Variants in KIAA1217 observed in about 807,000 individuals in gnomAD.
The protein encoded by KIAA1217 is sickle tail protein homolog.
In KIAA1217, 88 loss-of-function variants were observed where a neutral mutation model predicts 163.9. That is an observed-to-expected ratio of 0.54 (90% CI 0.45 to 0.64). KIAA1217 has a LOEUF of 0.64. Among genes scored for constraint, KIAA1217 ranks in the 30% least tolerant of loss-of-function variants. The pLI is 0.00. For synonymous variants in KIAA1217, 903 were observed against 923.1 expected (o/e 0.98, Z 0.39); for missense variants, 2,372 against 2,475.0 (o/e 0.96, Z 0.88).
intron 2 of KIAA1217, chr10:24,158,351 G>T: frequency 1.5e-6 from 1 of 663,112 alleles, no homozygotes; most frequent in South Asian, 1.4e-5. Context: ...GATGACACTT[G>T]GGTGACTGTG....
intron 8 of KIAA1217, among the ~76,000 whole-genome samples, chr10:24,500,990 A>G (rs1054344382): frequency 1.3e-5 from 2 of 152,170 alleles, no homozygotes; most frequent in Admixed American, 1.3e-4. Flanking sequence ...TACCGTTAAC[A>G]CTTTGTTTTA....
At chr10:24,024,137 T>G (rs1246721832) in intron 2 of KIAA1217, among the ~76,000 whole-genome samples, 1 of 151,846 alleles carries the variant, frequency 6.6e-6, no homozygotes, top group African/African-American at 2.4e-5. Flanking sequence ...ATCAGCTTTA[T>G]TGAGCTATAA....
chr10:23,852,401 C>T (rs375344484), intron 1 of KIAA1217, among the ~76,000 whole-genome samples: 95 of 151,782 alleles, frequency 6.3e-4, no homozygotes, highest in African/African-American at 1.9e-3. Flanking sequence ...AGTACCATGC[C>T]GTTTTGGTTA....
chr10:23,890,091 A>G (rs1187635273), intron 1 of KIAA1217, among the ~76,000 whole-genome samples: 1 of 151,686 alleles, frequency 6.6e-6, no homozygotes, highest in African/African-American at 2.4e-5. Flanking sequence ...GGAAAACTTT[A>G]GTTTTCTTAG....
At chr10:23,892,247 C>A (rs1279978131) in intron 1 of KIAA1217, among the ~76,000 whole-genome samples, 3 of 151,888 alleles carry the variant, frequency 2.0e-5, no homozygotes, top group South Asian at 2.1e-4. Flanking sequence ...TGAAAATTCC[C>A]TTTTAAATAT....
intron 2 of KIAA1217, among the ~76,000 whole-genome samples, chr10:24,263,468 G>A (rs1359781779): frequency 1.3e-5 from 2 of 152,162 alleles, no homozygotes; most frequent in Non-Finnish European, 1.5e-5. Context: ...AGGACAGAAC[G>A]GCATGAATGA....
intron 1 of KIAA1217, among the ~76,000 whole-genome samples, chr10:23,799,366 G>C (rs1836363468): frequency 6.6e-6 from 1 of 152,122 alleles, no homozygotes; most frequent in Non-Finnish European, 1.5e-5. Flanking sequence ...TTTTTATTAG[G>C]ATCATGTAAG....
intron 5 of KIAA1217, among the ~76,000 whole-genome samples, chr10:24,463,823 T>G (rs2062673359): frequency 6.6e-6 from 1 of 152,238 alleles, no homozygotes; most frequent in South Asian, 2.1e-4. Flanking sequence ...GCTTCCACTT[T>G]GCTTTTAGGC....
intron 5 of KIAA1217, among the ~76,000 whole-genome samples, chr10:24,469,617 T>A (rs2063289955): frequency 6.6e-6 from 1 of 152,104 alleles, no homozygotes; most frequent in Non-Finnish European, 1.5e-5. Flanking sequence ...TTATATTGAT[T>A]GATTGATTGA....
chr10:23,851,268 G>T (rs1279402652), intron 1 of KIAA1217, among the ~76,000 whole-genome samples: 21 of 152,064 alleles, frequency 1.4e-4, no homozygotes, highest in Admixed American at 1.2e-3. Context: ...GCAGTGTTTG[G>T]TTTTTTGTCC....
At chr10:23,732,129 C>T (rs1838511254) in intron 1 of KIAA1217, among the ~76,000 whole-genome samples, 1 of 151,932 alleles carries the variant, frequency 6.6e-6, no homozygotes, top group Non-Finnish European at 1.5e-5. Context: ...ATTCCTTCTG[C>T]TTGTATTTTC....
chr10:23,892,172 C>G (rs578226727), intron 1 of KIAA1217, among the ~76,000 whole-genome samples: 1 of 151,892 alleles, frequency 6.6e-6, no homozygotes, highest in South Asian at 2.1e-4. Flanking sequence ...TACATTTCAA[C>G]AAACCATTAA....
intron 1 of KIAA1217, among the ~76,000 whole-genome samples, chr10:23,925,223 G>A (rs1239983792): frequency 6.6e-6 from 1 of 152,092 alleles, no homozygotes; most frequent in Non-Finnish European, 1.5e-5. Context: ...AAAAAGATAA[G>A]GAAACAACTT....
At chr10:24,304,527 G>GGAC (rs2041781842) in intron 2 of KIAA1217, among the ~76,000 whole-genome samples, 1 of 151,654 alleles carries the variant, frequency 6.6e-6, no homozygotes. Flanking sequence ...TTTTTTATAG[G>GGAC]GACGGGGTCT....
At chr10:24,436,327 A>G (rs1417134429) in intron 4 of KIAA1217, among the ~76,000 whole-genome samples, 1 of 152,190 alleles carries the variant, frequency 6.6e-6, no homozygotes, top group Non-Finnish European at 1.5e-5. Flanking sequence ...TGGTGATGAC[A>G]GTAATGTTTA....
chr10:23,825,735 C>T (rs919320039), intron 1 of KIAA1217, among the ~76,000 whole-genome samples: 4 of 152,262 alleles, frequency 2.6e-5, no homozygotes, highest in South Asian at 2.1e-4. Flanking sequence ...ATATTCAATT[C>T]GCCACAGATG....
At chr10:24,058,336 C>T (rs1418717402) in intron 2 of KIAA1217, among the ~76,000 whole-genome samples, 2 of 152,130 alleles carry the variant, frequency 1.3e-5, no homozygotes, top group East Asian at 1.9e-4. Context: ...ATGATGCCTC[C>T]AGCTTTGTTC....
intron 3 of KIAA1217, among the ~76,000 whole-genome samples, chr10:24,412,281 A>T (rs987924811): frequency 6.6e-6 from 1 of 152,136 alleles, no homozygotes; most frequent in Non-Finnish European, 1.5e-5. Flanking sequence ...AGTCTTCAGC[A>T]ATCATTTGGG....
chr10:24,062,016 A>G (rs573911560), intron 2 of KIAA1217, among the ~76,000 whole-genome samples: 39 of 152,168 alleles, frequency 2.6e-4, no homozygotes, highest in African/African-American at 8.7e-4. Context: ...CATGATGCTC[A>G]TAGTGTGTAC....
Sources: gnomAD v4.1 joint callset for allele counts (sites outside exome capture counted in the v4.1 genomes callset) on GRCh38, gnomAD v4.1.1 for gene constraint, MANE v1.5 for transcripts, NCBI Gene and HGNC (gene_info 2026-07-23, HGNC 2026-07-21) for gene names.